Variants in GRID2 observed in about 807,000 individuals in gnomAD.
The protein encoded by GRID2 is glutamate receptor ionotropic, delta-2.
A neutral mutation model predicts 114.8 loss-of-function variants in GRID2; 33 were observed. The observed-to-expected ratio is 0.29, with a 90% CI of 0.22 to 0.38. The LOEUF is 0.38. Among genes scored for constraint, GRID2 ranks in the 10% least tolerant of loss-of-function variants. GRID2 has a pLI of 1.00. For missense variants in GRID2, 1,184 were observed against 1,257.7 expected, an observed-to-expected ratio of 0.94 and a Z score of 0.89; for synonymous variants, 505 against 449.9, an observed-to-expected ratio of 1.12 and a Z score of -1.55.
intron 8 of GRID2, among the ~76,000 whole-genome samples, chr4:93,381,600 C>T (rs1763860533): frequency 6.6e-6 from 1 of 152,028 alleles, no homozygotes; most frequent in African/African-American, 2.4e-5. Context: ...ATTTAACATC[C>T]TACAGTTATA....
chr4:93,245,451 C>T (rs1748097746), intron 8 of GRID2, among the ~76,000 whole-genome samples: 1 of 152,018 alleles, frequency 6.6e-6, no homozygotes, highest in Non-Finnish European at 1.5e-5. Flanking sequence ...AATGGTTAAG[C>T]AAGATATATG....
intron 13 of GRID2, among the ~76,000 whole-genome samples, chr4:93,603,699 A>G (rs1429629653): frequency 6.6e-6 from 1 of 152,230 alleles, no homozygotes; most frequent in Non-Finnish European, 1.5e-5. Flanking sequence ...TTAGGGCCTA[A>G]TGCAGCTGGT....
intron 1 of GRID2, among the ~76,000 whole-genome samples, chr4:92,323,308 G>A (rs913831813): frequency 1.3e-5 from 2 of 152,018 alleles, no homozygotes; most frequent in Admixed American, 6.6e-5. Flanking sequence ...AAGGCTATTT[G>A]TTATAGATAA....
At chr4:93,793,831 C>T (rs1734744630) in intron 1 of GRID2, among the ~76,000 whole-genome samples, 1 of 152,118 alleles carries the variant, frequency 6.6e-6, no homozygotes, top group Non-Finnish European at 1.5e-5. Context: ...CTCTTCTTGG[C>T]ATGTTTTTCT....
At chr4:93,785,106 G>A (rs979000854) in intron 1 of GRID2, among the ~76,000 whole-genome samples, 10 of 152,190 alleles carry the variant, frequency 6.6e-5, no homozygotes, top group African/African-American at 2.4e-4. Flanking sequence ...AGCGTATTGA[G>A]AAAGATCAGA....
chr4:93,328,630 A>C (rs1256593344), intron 8 of GRID2, among the ~76,000 whole-genome samples: 1 of 152,074 alleles, frequency 6.6e-6, no homozygotes, highest in Admixed American at 6.6e-5. Flanking sequence ...TCATGAGAAC[A>C]AAGTTTTGGT....
intron 14 of GRID2, among the ~76,000 whole-genome samples, chr4:93,724,387 A>G (rs1395169928): frequency 6.6e-6 from 1 of 152,180 alleles, no homozygotes; most frequent in Non-Finnish European, 1.5e-5. Flanking sequence ...GTTGCATCGT[A>G]TCTTCATAGG....
intron 8 of GRID2, among the ~76,000 whole-genome samples, chr4:93,333,747 G>T (rs994730907): frequency 1.3e-5 from 2 of 152,104 alleles, no homozygotes; most frequent in Non-Finnish European, 1.5e-5. Flanking sequence ...CACTTGCAAA[G>T]AAACATCCCT....
intron 8 of GRID2, among the ~76,000 whole-genome samples, chr4:93,281,587 A>G (rs377199900): frequency 6.6e-6 from 1 of 152,064 alleles, no homozygotes; most frequent in Non-Finnish European, 1.5e-5. Context: ...CAATTCACAT[A>G]ATATAGTGAA....
At chr4:93,725,267 AATG>A (rs1284502020) in intron 14 of GRID2, among the ~76,000 whole-genome samples, 1 of 152,128 alleles carries the variant, frequency 6.6e-6, no homozygotes, top group African/African-American at 2.4e-5. Context: ...GTTTGCTGAG[AATG>A]ATGGTTTCCA....
intron 8 of GRID2, among the ~76,000 whole-genome samples, chr4:93,300,710 A>G (rs979006077): frequency 3.3e-5 from 5 of 152,174 alleles, no homozygotes; most frequent in Admixed American, 2.6e-4. Flanking sequence ...CGAGTTGTAG[A>G]CGGTAGGGCT....
At chr4:93,809,795 A>C (rs1170891248) in exon 2 of GRID2, 1 of 152,206 alleles carries the variant, frequency 6.6e-6, no homozygotes, top group Non-Finnish European at 1.5e-5. Flanking sequence ...TATGGCTATA[A>C]TATTAAAAGT....
chr4:93,214,306 C>G (rs774502486), intron 5 of GRID2, among the ~76,000 whole-genome samples: 8 of 151,902 alleles, frequency 5.3e-5, no homozygotes, highest in Non-Finnish European at 8.8e-5. Flanking sequence ...CATTTTAATA[C>G]ACAAGTTTAT....
intron 2 of GRID2, among the ~76,000 whole-genome samples, chr4:92,827,726 G>GAATTAATGA (rs1255283373): frequency 2.0e-5 from 3 of 152,004 alleles, no homozygotes; most frequent in Non-Finnish European, 2.9e-5. Flanking sequence ...ATAAAAAAAT[G>GAATTAATGA]AATTAATGAA....
At chr4:93,277,387 CCTTT>C (rs1207293881) in intron 8 of GRID2, among the ~76,000 whole-genome samples, 2 of 151,758 alleles carry the variant, frequency 1.3e-5, no homozygotes, top group East Asian at 3.9e-4. Context: ...GTTTTAAGCA[CCTTT>C]CTAACTTATT....
At position 92,926,119 on chromosome 4, in the gene GRID2, A is replaced by G. The variant is rs537787114; in HGVS notation, c.245-158876A>G. Among the ~76,000 whole-genome samples, 5 of 152,094 alleles carry G rather than the reference A, an allele frequency of 3.3e-5. No individual in the cohort carries two copies. The East Asian group carries it at 5.8e-4, about 18-fold the overall frequency. On this transcript the variant is annotated intron_variant, in intron 2 of 15. Coordinates refer to ENST00000282020, the MANE Select transcript of GRID2 (RefSeq NM_001510.4). ...TTATTAAAAGCCTTTATGAAGTAACATTTATAAAACACTTCTAATGGTGGA... is the reference window on the plus strand; with the variant it reads ...TTATTAAAAGCCTTTATGAAGTAACGTTTATAAAACACTTCTAATGGTGGA...
intron 4 of GRID2, among the ~76,000 whole-genome samples, chr4:93,125,873 A>G (rs1734218890): frequency 6.6e-6 from 1 of 152,238 alleles, no homozygotes; most frequent in African/African-American, 2.4e-5. Context: ...GTGTGCACCT[A>G]TAAAGCTCTC....
At chr4:92,850,180 A>G (rs1245806240) in intron 2 of GRID2, among the ~76,000 whole-genome samples, 1 of 151,364 alleles carries the variant, frequency 6.6e-6, no homozygotes, top group Non-Finnish European at 1.5e-5. Flanking sequence ...ATATATATTG[A>G]TATGTTTATA....
chr4:92,306,367 A>G (rs1038610746), intron 1 of GRID2, among the ~76,000 whole-genome samples: 2 of 152,200 alleles, frequency 1.3e-5, no homozygotes, highest in Admixed American at 6.5e-5. Flanking sequence ...CAGATTCAGA[A>G]CTTTTCAGCA....
Sources: allele counts gnomAD v4.1 joint callset (sites outside exome capture counted in the v4.1 genomes callset), GRCh38; gene constraint gnomAD v4.1.1; transcripts MANE v1.5; gene names NCBI Gene and HGNC (gene_info 2026-07-23, HGNC 2026-07-21).